Variants in RNF182 observed in about 807,000 individuals in gnomAD.
The protein encoded by RNF182 is ring finger protein 182.
A neutral mutation model predicts 14.4 loss-of-function variants in RNF182; 15 were observed. That is an observed-to-expected ratio of 1.04 (90% CI 0.70 to 1.60). The LOEUF is 1.60. Ranked by LOEUF, RNF182 falls within the 40% of genes most tolerant of loss-of-function variation. RNF182 has a pLI of 0.00. For missense variants in RNF182, 268 were observed against 294.8 expected, an observed-to-expected ratio of 0.91 and a Z score of 0.67; for synonymous variants, 128 against 122.9, an observed-to-expected ratio of 1.04 and a Z score of -0.27.
At chr6:13,931,216 T>C (rs1758959693) in intron 1 of RNF182, among the ~76,000 whole-genome samples, 1 of 152,226 alleles carries the variant, frequency 6.6e-6, no homozygotes. Context: ...CAAAATTAAA[T>C]GGAGTTATTT....
chr6:13,930,973 T>C (rs1439676327), intron 1 of RNF182, among the ~76,000 whole-genome samples: 1 of 152,222 alleles, frequency 6.6e-6, no homozygotes, highest in Admixed American at 6.5e-5. Flanking sequence ...TCTGCTGCAG[T>C]GAAGATGCTT....
At chr6:13,963,534 G>A (rs1380195852) in intron 1 of RNF182, among the ~76,000 whole-genome samples, 1 of 152,162 alleles carries the variant, frequency 6.6e-6, no homozygotes, top group Admixed American at 6.5e-5. Flanking sequence ...TCAAACAGGT[G>A]TTGTCCCTGG....
At chr6:13,966,890 G>A (rs1402768751) in intron 1 of RNF182, among the ~76,000 whole-genome samples, 3 of 151,938 alleles carry the variant, frequency 2.0e-5, no homozygotes, top group Non-Finnish European at 4.4e-5. Context: ...AGGCTGGAGT[G>A]CAGTGGTGCA....
At chr6:13,924,535 G>C (rs1424231421), upstream of RNF182, 1 of 152,278 alleles carries the variant, frequency 6.6e-6, no homozygotes, top group Non-Finnish European at 1.5e-5. Flanking sequence ...TCCCTTAAGT[G>C]AATTTCCATT....
At chr6:13,938,755 A>G (rs754980891) in intron 1 of RNF182, among the ~76,000 whole-genome samples, 4 of 152,186 alleles carry the variant, frequency 2.6e-5, no homozygotes, top group Admixed American at 6.5e-5. Flanking sequence ...AAGTAATCAT[A>G]TGCTTGTGAA....
At chr6:13,925,968 C>CT (rs574383248) in intron 1 of RNF182, among the ~76,000 whole-genome samples, 50 of 147,962 alleles carry the variant, frequency 3.4e-4, no homozygotes, top group Admixed American at 7.4e-4. Context: ...ACTGTGAAGA[C>CT]TTTTTTTTTT....
chr6:13,971,046 T>C (rs1760160740), intron 1 of RNF182, among the ~76,000 whole-genome samples: 1 of 152,062 alleles, frequency 6.6e-6, no homozygotes, highest in Admixed American at 6.5e-5. Context: ...GAAGAGAGCA[T>C]TGTTAGCCAC....
At chr6:13,971,142 T>G (rs967866440) in intron 1 of RNF182, among the ~76,000 whole-genome samples, 3 of 152,104 alleles carry the variant, frequency 2.0e-5, no homozygotes, top group African/African-American at 7.2e-5. Context: ...TTTGGCTCTG[T>G]TTCCCCACCC....
At chr6:13,953,680 G>T (rs1209460417) in intron 1 of RNF182, among the ~76,000 whole-genome samples, 1 of 152,182 alleles carries the variant, frequency 6.6e-6, no homozygotes, top group African/African-American at 2.4e-5. Context: ...TGCTGTTAAA[G>T]AATATTAAGG....
chr6:13,974,433 A>G (rs989833116), intron 2 of RNF182, 69 bp downstream of exon 2: 3 of 152,230 alleles, frequency 2.0e-5, no homozygotes, highest in African/African-American at 7.2e-5. Context: ...GAAGTCCCTT[A>G]TATAAATTTG....
intron 1 of RNF182, among the ~76,000 whole-genome samples, chr6:13,973,637 C>T (rs1760251047): frequency 6.6e-6 from 1 of 152,116 alleles, no homozygotes; most frequent in African/African-American, 2.4e-5. Context: ...TGCCTGCCGC[C>T]ATGTAAGACA....
chr6:13,942,440 T>G (rs1175737767), intron 1 of RNF182, among the ~76,000 whole-genome samples: 1 of 152,142 alleles, frequency 6.6e-6, no homozygotes, highest in Non-Finnish European at 1.5e-5. Context: ...CTCCTGGGCT[T>G]AGGTGATCCT....
At chr6:13,929,919 A>G (rs1205439086) in intron 1 of RNF182, among the ~76,000 whole-genome samples, 1 of 152,254 alleles carries the variant, frequency 6.6e-6, no homozygotes, top group South Asian at 2.1e-4. Context: ...GCATTTCTTC[A>G]TAGCATATTG....
At chr6:13,960,690 T>TGCGCGC (rs200589489) in intron 1 of RNF182, among the ~76,000 whole-genome samples, 61 of 120,520 alleles carry the variant, frequency 5.1e-4, no homozygotes, top group African/African-American at 1.4e-3. Context: ...TGTGTGTGTG[T>TGCGCGC]GTGCGCGCGT....
chr6:13,976,298 G>T (rs191088070), intron 2 of RNF182, among the ~76,000 whole-genome samples: 1 of 152,042 alleles, frequency 6.6e-6, no homozygotes, highest in Admixed American at 6.6e-5. Flanking sequence ...TTCAAGACTG[G>T]TATTGAAACA....
chr6:13,965,101 A>G (rs1444616381), intron 1 of RNF182, among the ~76,000 whole-genome samples: 1 of 152,262 alleles, frequency 6.6e-6, no homozygotes, highest in Admixed American at 6.5e-5. Context: ...CCAGAGACAG[A>G]TGACAACCTG....
intron 2 of RNF182, among the ~76,000 whole-genome samples, chr6:13,976,456 T>C (rs2113652707): frequency 6.6e-6 from 1 of 152,358 alleles, no homozygotes; most frequent in South Asian, 2.1e-4. Flanking sequence ...ACATTTGTCC[T>C]TAATATTCCC....
intron 1 of RNF182, among the ~76,000 whole-genome samples, chr6:13,960,373 G>C (rs965097572): frequency 1.3e-5 from 2 of 152,194 alleles, no homozygotes; most frequent in African/African-American, 4.8e-5. Context: ...CAGGTGCAAT[G>C]GCTTATATCT....
chr6:13,968,446 A>G (rs1487678475), intron 1 of RNF182, among the ~76,000 whole-genome samples: 2 of 152,252 alleles, frequency 1.3e-5, no homozygotes, highest in African/African-American at 4.8e-5. Flanking sequence ...GCAAATGACA[A>G]TGGAATCATA....
Sources: gnomAD v4.1 joint callset for allele counts (sites outside exome capture counted in the v4.1 genomes callset) on GRCh38, gnomAD v4.1.1 for gene constraint, MANE v1.5 for transcripts, NCBI Gene and HGNC (gene_info 2026-07-23, HGNC 2026-07-21) for gene names.